Variants in LDB3 observed in about 807,000 individuals in gnomAD.
LDB3 encodes the protein LIM domain binding 3.
A neutral mutation model predicts 69.0 loss-of-function variants in LDB3; 49 were observed. The ratio of observed to expected loss-of-function variants is 0.71; its 90% CI spans 0.56 to 0.90. The LOEUF is 0.90. LDB3 is among the 40% of genes least tolerant of loss of function. LDB3 has a pLI of 0.00. For synonymous variants in LDB3, 387 were observed against 396.2 expected (o/e 0.98, Z 0.28); for missense variants, 928 against 974.1 (o/e 0.95, Z 0.63).
chr10:86,699,618 G>A lies in LDB3; in HGVS notation c.897-6913G>A. On this transcript the variant is annotated intron_variant, in intron 7 of 13. Coordinates refer to ENST00000361373, the MANE Select transcript of LDB3 (RefSeq NM_007078.3). The surrounding 1 kb of genome is among the most constrained non-coding windows in gnomAD (Gnocchi z 4.9). ...GGCAACCCTCGCCACCCCCCAAATA[G>A]CCCGTAGCCCAATCCCCTGCCCTCT... 1 of 1,361,278 alleles carries A rather than the reference G, an allele frequency of 7.3e-7. No individual in the cohort carries two copies. The highest frequency in any genetic ancestry group is 1.5e-5 in the South Asian group (1 of 66,192). The allele number at this position is 1,361,278 out of a possible 1,614,324, so 84.3% of individuals were successfully genotyped here.
At chr10:86,700,759 T>A (rs1846229987) in intron 7 of LDB3, among the ~76,000 whole-genome samples, 1 of 152,216 alleles carries the variant, frequency 6.6e-6, no homozygotes, top group South Asian at 2.1e-4. Context: ...TGTAAGCCAC[T>A]AGCTAGCACC....
chr10:86,713,623 A>G (rs961047601), intron 9 of LDB3, among the ~76,000 whole-genome samples: 3 of 152,130 alleles, frequency 2.0e-5, no homozygotes, highest in African/African-American at 4.8e-5. Flanking sequence ...CCTTATATAT[A>G]ACAGAGGGAT....
chr10:86,695,825 G>A (rs1845970706), intron 7 of LDB3, among the ~76,000 whole-genome samples: 1 of 152,198 alleles, frequency 6.6e-6, no homozygotes, highest in Non-Finnish European at 1.5e-5. Flanking sequence ...GCAGGGCTTG[G>A]ATCTGCGAGG....
chr10:86,694,684 G>A (rs1158451745), intron 7 of LDB3, among the ~76,000 whole-genome samples: 1 of 152,228 alleles, frequency 6.6e-6, no homozygotes, highest in Non-Finnish European at 1.5e-5. Flanking sequence ...TGGACCCAGA[G>A]GCAGGTGCAG....
Position 86,690,455 on chromosome 10 carries a change from G to A in LDB3, c.690-1441G>A, listed in dbSNP as rs144456736. On this transcript the variant is annotated intron_variant, in intron 5 of 13. Coordinates refer to ENST00000361373, the MANE Select transcript of LDB3 (RefSeq NM_007078.3). ...AAGCCTCTGCTGGTCTTTCCCAACC[G>A]ATCCCAACCACAGGCTGCCAGTACC... Among the ~76,000 whole-genome samples, 203 of 152,310 alleles carry A rather than the reference G, an allele frequency of 1.3e-3. 1 individual carries two copies. The highest frequency in any genetic ancestry group is 4.6e-3 in the African/African-American group (191 of 41,578).
At chr10:86,710,333 G>C (rs1249178514) in intron 9 of LDB3, 2 of 879,238 alleles carry the variant, frequency 2.3e-6, no homozygotes, top group Non-Finnish European at 2.7e-6. Context: ...CTCACACTTG[G>C]AATCCCAGCA....
intron 2 of LDB3, among the ~76,000 whole-genome samples, chr10:86,672,501 G>T (rs993586408): frequency 1.3e-5 from 2 of 152,230 alleles, no homozygotes; most frequent in African/African-American, 4.8e-5. Context: ...TTTCGGGGCC[G>T]CTGGAGCACG....
rs571226514 is a variant in LDB3 at position 86,674,902 on chromosome 10, G to A, written c.94-4465G>A. On this transcript the variant is annotated intron_variant, in intron 2 of 13. Transcript: ENST00000361373. ...CCCAGGCAGGCTGCTCCTGAGGTGG[G>A]GTGAAGGCATCCGATGGCTCCTGAT... Among the ~76,000 whole-genome samples, 60 of 152,218 alleles carry A rather than the reference G, an allele frequency of 3.9e-4. 1 individual carries two copies. Among genetic ancestry groups the A allele is most frequent in the Middle Eastern group, 3.4e-3 (1 of 294 alleles).
rs1846168767 is a variant in LDB3, at chr10:86,699,596, A to G, written c.897-6935A>G. On this transcript the variant is annotated intron_variant, in intron 7 of 13. Coordinates refer to ENST00000361373, the MANE Select transcript of LDB3 (RefSeq NM_007078.3). The surrounding 1 kb of genome is among the most constrained non-coding windows in gnomAD (Gnocchi z 4.9). ...TGTACCCACCAAACCTCCCCAGGGC[A>G]ACCCTCGCCACCCCCCAAATAGCCC... 2.8e-6 allele frequency: 4 copies of G among 1,404,940 alleles called. No homozygotes were observed. Among genetic ancestry groups the G allele is most frequent in the Non-Finnish European group, 1.9e-6 (2 of 1,078,776 alleles). 87.0% of individuals were successfully genotyped at this position (1,404,940 alleles called of 1,614,324 possible). A position where few individuals can be genotyped will look rare whatever the true frequency, so the allele number is the denominator to read the frequency against.
intron 7 of LDB3, among the ~76,000 whole-genome samples, 200 bp downstream of exon 7, chr10:86,692,771 T>C (rs1402292445): frequency 6.6e-6 from 1 of 152,146 alleles, no homozygotes; most frequent in African/African-American, 2.4e-5. Context: ...CGAGTCTCTG[T>C]CCTCCAGGCC....
At chr10:86,675,560 C>T (rs1020888353) in intron 2 of LDB3, among the ~76,000 whole-genome samples, 1 of 152,234 alleles carries the variant, frequency 6.6e-6, no homozygotes, top group Non-Finnish European at 1.5e-5. Flanking sequence ...GGGTGCCCTG[C>T]CGTGAGAGAG....
In LDB3 at chr10:86,710,451, G is replaced by A. The variant is rs528149521; in HGVS notation, c.1231+401G>A. 3.9e-5 allele frequency among the ~76,000 whole-genome samples: 6 copies of A among 152,204 alleles called. No individual in the cohort carries two copies. The South Asian group carries it at 6.2e-4, about 16-fold the overall frequency. On this transcript the variant is annotated intron_variant, in intron 9 of 13. Coordinates refer to ENST00000361373, the MANE Select transcript of LDB3 (RefSeq NM_007078.3). The stretch of plus-strand genomic sequence containing the variant: ...CTAAAGATTCAAAAATTAGCCGGGC[G>A]TGGTGGCACCCACCTGTAATCCCAG...
At chr10:86,705,769 T>TGCATGGCAAATCCTCTAGGGC (rs1251678546) in intron 7 of LDB3, among the ~76,000 whole-genome samples, 5 of 152,354 alleles carry the variant, frequency 3.3e-5, no homozygotes, top group Admixed American at 6.5e-5. Flanking sequence ...CACTCTTGGG[T>TGCATGGCAAATCCTCTAGGGC]GCATGGCAAA....
intron 2 of LDB3, among the ~76,000 whole-genome samples, chr10:86,677,756 T>G (rs1448075580): frequency 6.6e-6 from 1 of 152,186 alleles, no homozygotes; most frequent in Non-Finnish European, 1.5e-5. Flanking sequence ...TACAGAACCC[T>G]AAGCCCTGCC....
At chr10:86,709,820 G>A in intron 8 of LDB3, 85 bp from the exon 9 acceptor site, 1 of 1,493,156 alleles carries the variant, frequency 6.7e-7, no homozygotes, top group Non-Finnish European at 9.2e-7. Context: ...AGAGGCTTCT[G>A]AAGACCTGGG....
intron 2 of LDB3, among the ~76,000 whole-genome samples, chr10:86,675,179 C>T (rs1026239613): frequency 2.1e-5 from 3 of 141,352 alleles, no homozygotes; most frequent in Non-Finnish European, 4.9e-5. Flanking sequence ...CCCTTGGGAG[C>T]AAGCATCCCC....
At chr10:86,674,458 G>A (rs1462508906) in intron 2 of LDB3, among the ~76,000 whole-genome samples, 4 of 152,148 alleles carry the variant, frequency 2.6e-5, no homozygotes, top group Non-Finnish European at 5.9e-5. Flanking sequence ...CCTTGGCCCA[G>A]CAAGGCGGAA....
intron 12 of LDB3, among the ~76,000 whole-genome samples, chr10:86,720,957 C>G (rs117708061): frequency 0.053 from 8,091 of 152,170 alleles, 335 homozygotes; most frequent in Non-Finnish European, 0.073. Flanking sequence ...TTTAGACATC[C>G]GCTACCATGC....
intron 7 of LDB3, among the ~76,000 whole-genome samples, chr10:86,693,190 C>T (rs1456762309): frequency 6.6e-6 from 1 of 152,186 alleles, no homozygotes; most frequent in Non-Finnish European, 1.5e-5. Flanking sequence ...AGCCACCAAC[C>T]TACCACTGTG....
Sources: gnomAD v4.1 joint callset for allele counts (sites outside exome capture counted in the v4.1 genomes callset) on GRCh38, gnomAD v4.1.1 for gene constraint, Gnocchi (gnomAD v3.1) non-coding constraint, MANE v1.5 for transcripts, NCBI Gene and HGNC (gene_info 2026-07-23, HGNC 2026-07-21) for gene names.